Variants in SH2D4B observed in about 807,000 individuals in gnomAD.
SH2D4B encodes the protein SH2 domain containing 4B, also known as SH2 domain-containing protein 4B.
Under a neutral mutation model 61.5 loss-of-function variants are expected in SH2D4B, and 45 were observed. The ratio of observed to expected loss-of-function variants is 0.73; its 90% confidence interval spans 0.58 to 0.94. The LOEUF (loss-of-function observed/expected upper bound fraction) is 0.94. Ranked by LOEUF, SH2D4B falls within the 40% of genes least tolerant of loss-of-function variation. The probability of loss-of-function intolerance (pLI) is 0.00; values close to 1 mark genes in which losing one functional copy is unlikely to be tolerated. For missense variants in SH2D4B, 572 were observed against 574.2 expected, an observed-to-expected ratio of 1.00 and a Z score of 0.04; for synonymous variants, 224 against 220.4, an observed-to-expected ratio of 1.02 and a Z score of -0.14.
intron 1 of SH2D4B, among the ~76,000 whole-genome samples, chr10:80,548,392 G>A (rs184716320): frequency 3.3e-5 from 5 of 152,250 alleles, no homozygotes; most frequent in Non-Finnish European, 5.9e-5. Context: ...TCAAACTCCT[G>A]ACCTCACATA....
At position 80,570,186 on chromosome 10, in the gene SH2D4B, G is replaced by A. The variant is rs746223860; in HGVS notation, c.217G>A (p.Gly73Arg). 6.2e-7 allele frequency: 1 copy of A among 1,614,116 alleles called. No homozygotes were observed. Among genetic ancestry groups the A allele is most frequent in the Non-Finnish European group, 8.5e-7 (1 of 1,179,988 alleles). ...ASDKHIQWLL[G>R]ADGEVWVWIM... ...TGACAAGCACATCCAATGGCTCCTA[G>A]GGGCAGATGGCGAGGTCTGGGTCTG... The change falls in exon 2 of 8, where the codon GGG becomes AGG. Residue 73 changes from glycine (G) to arginine (R), a missense_variant. Transcript: ENST00000646907.
intron 4 of SH2D4B, among the ~76,000 whole-genome samples, chr10:80,603,308 C>T (rs1249172991): frequency 6.6e-6 from 1 of 152,146 alleles, no homozygotes; most frequent in Non-Finnish European, 1.5e-5. Context: ...CCTAAACCGT[C>T]AGGGTATCTT....
chr10:80,560,208 C>T (rs575947073), intron 1 of SH2D4B, among the ~76,000 whole-genome samples: 14 of 151,890 alleles, frequency 9.2e-5, no homozygotes, highest in South Asian at 4.2e-4. Context: ...AGGATGGTCT[C>T]GATCTCCTGA....
chr10:80,551,087 C>G (rs980493280), intron 1 of SH2D4B, among the ~76,000 whole-genome samples: 24 of 152,222 alleles, frequency 1.6e-4, no homozygotes, highest in African/African-American at 5.8e-4. Flanking sequence ...GAGTCTCACT[C>G]TGTTGCCCAG....
intron 6 of SH2D4B, among the ~76,000 whole-genome samples, chr10:80,624,010 G>A (rs1452334775): frequency 6.6e-6 from 1 of 152,124 alleles, no homozygotes; most frequent in East Asian, 1.9e-4. Context: ...AACGACGGGG[G>A]CTGATGGCTC....
At chr10:80,639,535 A>G (rs1840251611) in intron 7 of SH2D4B, among the ~76,000 whole-genome samples, 1 of 152,160 alleles carries the variant, frequency 6.6e-6, no homozygotes. Context: ...CCATTATGTA[A>G]TGGCCTTCTT....
chr10:80,544,610 G>A (rs1841642915), intron 1 of SH2D4B, among the ~76,000 whole-genome samples: 1 of 152,204 alleles, frequency 6.6e-6, no homozygotes, highest in Non-Finnish European at 1.5e-5. Context: ...CTCTTTCCAG[G>A]CATGGATGTC....
Position 80,644,240 on chromosome 10 carries a change from A to T in SH2D4B, c.*155A>T. ...CCTCAAGGGATATGACATCTATGGC[A>T]TAGGGCTACTGGTCTCATCCCAGCG... is the stretch of plus-strand genomic sequence containing the variant. On this transcript the variant is annotated 3_prime_UTR_variant, in exon 8 of 8. Transcript: ENST00000646907. 1 of 626,478 alleles carries T rather than the reference A, an allele frequency of 1.6e-6. No individual in the cohort carries two copies. Among genetic ancestry groups the T allele is most frequent in the Non-Finnish European group, 2.8e-6 (1 of 358,382 alleles). 38.8% of individuals were successfully genotyped at this position (626,478 alleles called of 1,614,324 possible).
At chr10:80,625,202 CCT>C (rs1842757294) in intron 6 of SH2D4B, among the ~76,000 whole-genome samples, 1 of 151,922 alleles carries the variant, frequency 6.6e-6, no homozygotes, top group Non-Finnish European at 1.5e-5. Flanking sequence ...CATTTTTCCA[CCT>C]CTGTTATTTG....
chr10:80,540,757 C>T (rs944309217), intron 1 of SH2D4B: 25 of 1,446,498 alleles, frequency 1.7e-5, no homozygotes, highest in Admixed American at 4.1e-5. Flanking sequence ...GTCCTGGAGA[C>T]GGTGGGTAGA....
intron 6 of SH2D4B, among the ~76,000 whole-genome samples, chr10:80,616,950 C>T (rs1023808976): frequency 6.6e-6 from 1 of 152,234 alleles, no homozygotes; most frequent in Non-Finnish European, 1.5e-5. Context: ...TCCTATGTGA[C>T]ATCACCATGC....
In SH2D4B at chr10:80,538,501, C is replaced by A; in HGVS notation, c.170C>A (p.Pro57Gln). The change falls in exon 1 of 8, where the codon CCA (proline) becomes CAA (glutamine). Residue 57 changes from proline to glutamine, a missense_variant. Physicochemically the swap from Pro to Gln is moderately conservative, Grantham distance 76 (BLOSUM62 -1). Transcript: ENST00000646907. This position sits in a 1 kb window ranked among gnomAD's most constrained non-coding sequence, Gnocchi z 4.8. ...GCCCAGGACGAGGGTCTCAGGCCTCCAAAGACCAAGCGAGGTACGTGGCTG... is the reference window on the plus strand; with the variant it reads ...GCCCAGGACGAGGGTCTCAGGCCTCAAAAGACCAAGCGAGGTACGTGGCTG... ...ALAQDEGLRPPKTKRAASDKH... is the reference protein window; with the variant it reads ...ALAQDEGLRPQKTKRAASDKH... 1.4e-6 allele frequency: 2 copies of A among 1,409,220 alleles called. No individual in the cohort carries two copies. Among genetic ancestry groups the A allele is most frequent in the East Asian group, 2.6e-5 (1 of 37,772 alleles). 87.3% of individuals were successfully genotyped at this position (1,409,220 alleles called of 1,614,324 possible). A position where few individuals can be genotyped will look rare whatever the true frequency, so the allele number is the denominator to read the frequency against.
At chr10:80,633,654 C>A (rs1321704180) in intron 6 of SH2D4B, among the ~76,000 whole-genome samples, 1 of 152,214 alleles carries the variant, frequency 6.6e-6, no homozygotes, top group Non-Finnish European at 1.5e-5. Flanking sequence ...CAAGGCCAAC[C>A]AGAATTCCAA....
intron 3 of SH2D4B, among the ~76,000 whole-genome samples, chr10:80,574,437 T>C (rs1396568500): frequency 6.6e-6 from 1 of 151,874 alleles, no homozygotes; most frequent in Non-Finnish European, 1.5e-5. Flanking sequence ...CACCTACCCA[T>C]GCATTTCTTT....
intron 7 of SH2D4B, among the ~76,000 whole-genome samples, chr10:80,641,523 T>C (rs1178273889): frequency 6.6e-6 from 1 of 152,254 alleles, no homozygotes; most frequent in Non-Finnish European, 1.5e-5. Context: ...GGAGGCATCT[T>C]AACCCCATTT....
chr10:80,638,182 G>T (rs1840222270), intron 7 of SH2D4B, among the ~76,000 whole-genome samples: 1 of 152,188 alleles, frequency 6.6e-6, no homozygotes, highest in Admixed American at 6.5e-5. Context: ...GCTGGATTCA[G>T]TTTGCCAGTA....
chr10:80,615,330 AG>A lies in SH2D4B; in HGVS notation c.988+5783del, dbSNP rs1842648985. ...ATCCCACATTTGTCCAGCAGTCAGC[AG>A]GGGAGCTGGGATGAAAAACCAGGTT... On this transcript the variant is annotated intron_variant, in intron 6 of 7. Transcript: ENST00000646907. Among the ~76,000 whole-genome samples, 3 of 152,368 alleles carry A rather than the reference AG, an allele frequency of 2.0e-5. No homozygotes were observed. In the South Asian group the frequency reaches 6.2e-4, roughly 32 times the overall value.
intron 1 of SH2D4B, among the ~76,000 whole-genome samples, chr10:80,540,510 A>G (rs545248566): frequency 3.3e-5 from 5 of 152,248 alleles, no homozygotes; most frequent in African/African-American, 1.2e-4. Flanking sequence ...TTCATTGCAG[A>G]TAAGGAAGGT....
chr10:80,587,389 C>G (rs997532995), intron 3 of SH2D4B, among the ~76,000 whole-genome samples: 1 of 152,038 alleles, frequency 6.6e-6, no homozygotes, highest in Non-Finnish European at 1.5e-5. Flanking sequence ...AAGCGATTCT[C>G]CTGCCTCAGC....
Sources: allele counts gnomAD v4.1 joint callset (sites outside exome capture counted in the v4.1 genomes callset), GRCh38; gene constraint gnomAD v4.1.1; non-coding constraint Gnocchi (gnomAD v3.1); transcripts MANE v1.5; gene names NCBI Gene and HGNC (gene_info 2026-07-23, HGNC 2026-07-21).